Variants in GPR179 observed in about 807,000 individuals in gnomAD.
GPR179 encodes the protein probable G protein-coupled receptor 179.
Under a neutral mutation model 70.8 loss-of-function variants are expected in GPR179, and 52 were observed. The observed-to-expected ratio is 0.73, with a 90% CI of 0.59 to 0.93. The LOEUF (loss-of-function observed/expected upper bound fraction) is 0.93. Among genes scored for constraint, GPR179 ranks in the 40% least tolerant of loss-of-function variants. GPR179 has a pLI of 0.00. For missense variants in GPR179, 2,734 were observed against 2,966.8 expected (o/e 0.92, Z 1.82); for synonymous variants, 1,123 against 1,169.0 (o/e 0.96, Z 0.80).
chr17:38,334,666 G>C lies in GPR179; in HGVS notation c.1784+38C>G. 6.2e-7 allele frequency: 1 copy of C among 1,607,598 alleles called. No homozygotes were observed. The highest frequency in any genetic ancestry group is 8.5e-7 in the Non-Finnish European group (1 of 1,175,398). On this transcript the variant is annotated intron_variant, in intron 8 of 10. Coordinates refer to ENST00000616987, the MANE Select transcript of GPR179 (RefSeq NM_001004334.4). This position sits in a 1 kb window ranked among gnomAD's most constrained non-coding sequence, Gnocchi z 4.7. ...CTGGGAGAGGTGAGGAGTACTGTTA[G>C]AGTGGAAGGGGGTGTGGGGAGGTGA...
Position 38,343,765 on chromosome 17 carries a change from G to A in GPR179, c.25C>T (p.Pro9Ser), listed in dbSNP as rs199562618. ...CCCAGCAGCCCCCACATAGGAGGGG[G>A]CATGACCGCTCCCCTGGTGCCCATC... is the stretch of plus-strand genomic sequence containing the variant. MGTRGAVM[P>S]PPMWGLLGCC... The change falls in exon 1 of 11, where the codon CCC (proline) becomes TCC (serine). Residue 9 changes from proline to serine, a missense_variant. Coordinates refer to ENST00000616987, the MANE Select transcript of GPR179 (RefSeq NM_001004334.4). The surrounding 1 kb of genome is among the most constrained non-coding windows in gnomAD (Gnocchi z 4.2). 1.3e-6 allele frequency: 2 copies of A among 1,525,716 alleles called. No individual in the cohort carries two copies. The highest frequency in any genetic ancestry group is 2.3e-5 in the East Asian group (1 of 43,976). The allele number at this position is 1,525,716 out of a possible 1,614,324, so 94.5% of individuals were successfully genotyped here. A position where few individuals can be genotyped will look rare whatever the true frequency, so the allele number is the denominator to read the frequency against.
rs371169614 is a variant in GPR179, at chr17:38,330,143, G to T, written c.3426C>A (p.Ala1142=). The change falls in exon 11 of 11, where the codon GCC becomes GCA. Residue 1142 remains alanine, a synonymous_variant. Coordinates refer to ENST00000616987, the MANE Select transcript of GPR179 (RefSeq NM_001004334.4). ...LGRPKAVSKQ[A]ALIPSDDKES... ...CCTTGTCATCGGAGGGGATAAGAGCGGCCTGCTTACTCACCGCCTTGGGCC... is the reference window on the plus strand; with the variant it reads ...CCTTGTCATCGGAGGGGATAAGAGCTGCCTGCTTACTCACCGCCTTGGGCC... 2.5e-6 allele frequency: 4 copies of T among 1,595,270 alleles called. No individual in the cohort carries two copies. Among genetic ancestry groups the T allele is most frequent in the Non-Finnish European group, 3.4e-6 (4 of 1,169,792 alleles).
chr17:38,343,495 C>T lies in GPR179; in HGVS notation c.295G>A (p.Ala99Thr), dbSNP rs779899572. The change falls in exon 1 of 11, where the codon GCG becomes ACG. Residue 99 changes from alanine to threonine, a missense_variant. By Grantham distance (58) the Ala-to-Thr change is moderately conservative. Coordinates refer to ENST00000616987, the MANE Select transcript of GPR179 (RefSeq NM_001004334.4). The surrounding 1 kb of genome is among the most constrained non-coding windows in gnomAD (Gnocchi z 4.2). ...PGLPPSLQGA[A>T]GTLAQAANFL... ...TTGGCGGCCTGGGCAAGGGTGCCCG[C>T]TGCCCCCTGTAGGCTTGGGGGGAGC... 2 of 1,613,888 alleles carry T rather than the reference C, an allele frequency of 1.2e-6. No individual in the cohort carries two copies. The highest frequency in any genetic ancestry group is 2.2e-5 in the South Asian group (2 of 91,092).
rs771910800 is a variant in GPR179, at chr17:38,329,835, G to A, written c.3734C>T (p.Pro1245Leu). The A allele has an allele frequency of 1.2e-6, 2 of 1,614,142 alleles. No individual in the cohort carries two copies. Among genetic ancestry groups the A allele is most frequent in the East Asian group, 2.2e-5 (1 of 44,880 alleles). ...CGTTTCTGATTCAGTGACCTCCCAGGGGCATACCTCTGCCACCCTGTGGTC... is the reference window on the plus strand; with the variant it reads ...CGTTTCTGATTCAGTGACCTCCCAGAGGCATACCTCTGCCACCCTGTGGTC... Reference protein sequence around the residue: ...SADHRVAEVCPWEVTESETRQ... With the variant: ...SADHRVAEVCLWEVTESETRQ... The change falls in exon 11 of 11, where the codon CCC (proline) becomes CTC (leucine). Residue 1245 changes from proline to leucine, a missense_variant. By Grantham distance (98) the Pro-to-Leu change is moderately conservative. Transcript: ENST00000616987.
chr17:38,333,494 C>T (rs781209398), intron 9 of GPR179, 97 bp from the exon 10 acceptor site: 37 of 1,223,342 alleles, frequency 3.0e-5, no homozygotes, highest in Admixed American at 5.1e-5. Context: ...TACTTTGTGA[C>T]GCTTCACCCC....
chr17:38,326,253 G>A lies in GPR179; in HGVS notation c.*212C>T, dbSNP rs1469581517. ...TTTGTTTCCTCAAACAGGAAGAAAA[G>A]TTAGAAGTAAAGAGAGGGTGGGCCT... is the stretch of plus-strand genomic sequence containing the variant. On this transcript the variant is annotated 3_prime_UTR_variant, in exon 11 of 11. Transcript: ENST00000616987. 2.0e-6 allele frequency: 1 copy of A among 508,550 alleles called. No individual in the cohort carries two copies. The highest frequency in any genetic ancestry group is 3.4e-6 in the Non-Finnish European group (1 of 290,358). 31.5% of individuals were successfully genotyped at this position (508,550 alleles called of 1,614,324 possible).
intron 1 of GPR179, among the ~76,000 whole-genome samples, chr17:38,340,942 C>G (rs879667768): frequency 6.6e-6 from 1 of 152,092 alleles, no homozygotes; most frequent in Non-Finnish European, 1.5e-5. Context: ...AACAAACAAA[C>G]AAACAAAAAA....
chr17:38,342,671 C>T (rs2037459108), intron 1 of GPR179, among the ~76,000 whole-genome samples: 1 of 152,214 alleles, frequency 6.6e-6, no homozygotes, highest in South Asian at 2.1e-4. Flanking sequence ...ATGTGTATAC[C>T]TGCATATAGA....
Position 38,327,622 on chromosome 17 carries a change from T to C in GPR179, c.5947A>G (p.Ser1983Gly). The C allele has an allele frequency of 6.2e-7, 1 of 1,614,226 alleles. No individual in the cohort carries two copies. The highest frequency in any genetic ancestry group is 8.5e-7 in the Non-Finnish European group (1 of 1,180,042). Residue 1983 changes from serine to glycine, a missense_variant, in exon 11 of 11, where the codon AGC becomes GGC. Transcript: ENST00000616987. Reference protein sequence around the residue: ...DRQRPDQPKASSQRLVSTGGR... With the variant: ...DRQRPDQPKAGSQRLVSTGGR... ...CCAGTGCTGACCAGTCTCTGGGAGC[T>C]AGCTTTAGGTTGGTCAGGGCGCTGT...
In GPR179 at chr17:38,331,313, G is replaced by A. The variant is rs1399411551; in HGVS notation, c.2256C>T (p.Arg752=). 2 of 1,604,862 alleles carry A rather than the reference G, an allele frequency of 1.2e-6. No homozygotes were observed. The highest frequency in any genetic ancestry group is 1.7e-6 in the Non-Finnish European group (2 of 1,176,478). ...GHGSLPGSSR[R]RLLSSSLQEP... ...CCTGGAGGCTGGAGCTGAGGAGCCG[G>A]CGGCGGGAGGAGCCGGGCAGGCTGC... Residue 752 remains arginine (R), a synonymous_variant, in exon 11 of 11, where the codon CGC becomes CGT. Coordinates refer to ENST00000616987, the MANE Select transcript of GPR179 (RefSeq NM_001004334.4).
Position 38,337,163 on chromosome 17 carries a change from C to T in GPR179, c.1042G>A (p.Gly348Ser), listed in dbSNP as rs2037412633. The T allele has an allele frequency of 6.2e-7, 1 of 1,612,864 alleles. No homozygotes were observed. Among genetic ancestry groups the T allele is most frequent in the African/African-American group, 1.3e-5 (1 of 74,928 alleles). Residue 348 changes from glycine (G) to serine (S), a missense_variant, in exon 4 of 11, where the codon GGC becomes AGC. Gly to Ser is a moderately conservative substitution (Grantham distance 56). Transcript: ENST00000616987. ...QTTGQFGFPEGRSGRLLQCLP... is the reference protein window; with the variant it reads ...QTTGQFGFPESRSGRLLQCLP... ...CACTGCAGCAGTCTCCCAGATCTGC[C>T]TTCTGGGAACCCGAATTGCCCGGTA...
In GPR179 at chr17:38,328,409, T is replaced by C. The variant is rs2037312966; in HGVS notation, c.5160A>G (p.Gly1720=). 3 of 1,613,852 alleles carry C rather than the reference T, an allele frequency of 1.9e-6. No individual in the cohort carries two copies. Among genetic ancestry groups the C allele is most frequent in the Non-Finnish European group, 2.5e-6 (3 of 1,179,964 alleles). Residue 1720 remains glycine (G), a synonymous_variant, in exon 11 of 11, where the codon GGA becomes GGG. Coordinates refer to ENST00000616987, the MANE Select transcript of GPR179 (RefSeq NM_001004334.4). ...TTGGAGATTTCCTAATGGCCTCAGC[T>C]CCCAAAGCCCTTTCCTCCCCTGCTC... The part of the protein sequence containing the change: ...GAGAGEERAL[G]AEAIRKSPND...
Position 38,337,696 on chromosome 17 carries a change from A to C in GPR179, c.928T>G (p.Phe310Val). The change falls in exon 3 of 11, where the codon TTT (phenylalanine) becomes GTT (valine). Residue 310 changes from phenylalanine to valine, a missense_variant. Phe to Val is a conservative substitution (Grantham distance 50). Transcript: ENST00000616987. ...TQCVPLESQG[F>V]VLGRYLCRCR... ...CGGCAGAGGTAGCGGCCAAGAACAA[A>C]GCCCTGACTCTCCAGGGGGACACAC... 6.2e-7 allele frequency: 1 copy of C among 1,613,830 alleles called. No individual in the cohort carries two copies. The highest frequency in any genetic ancestry group is 8.5e-7 in the Non-Finnish European group (1 of 1,179,888).
In GPR179 at chr17:38,331,273, G is replaced by A; in HGVS notation, c.2296C>T (p.Pro766Ser). The A allele has an allele frequency of 1.9e-6, 3 of 1,593,278 alleles. No homozygotes were observed. Among genetic ancestry groups the A allele is most frequent in the African/African-American group, 1.3e-5 (1 of 74,752 alleles). ...GTGCTGCGGGACTTGTGCAGAGCTG[G>A]TGTCCCCTCGGGTTCCTGGAGGCTG... ...SSSLQEPEGT[P>S]ALHKSRSTYD... The change falls in exon 11 of 11, where the codon CCA (proline) becomes TCA (serine). Residue 766 changes from proline (P) to serine (S), a missense_variant. Physicochemically the swap from Pro to Ser is moderately conservative, Grantham distance 74 (BLOSUM62 -1). Transcript: ENST00000616987.
In GPR179 at chr17:38,336,256, A is replaced by G. The variant is rs2037403921; in HGVS notation, c.1228-112T>C. The G allele has an allele frequency of 3.9e-6, 3 of 775,070 alleles. No homozygotes were observed. The South Asian group carries it at 4.3e-5, about 11-fold the overall frequency. 48.0% of individuals were successfully genotyped at this position (775,070 alleles called of 1,614,324 possible). A position where few individuals can be genotyped will look rare whatever the true frequency, so the allele number is the denominator to read the frequency against. On this transcript the variant is annotated intron_variant, in intron 4 of 10. Transcript: ENST00000616987. ...CCCTGAGCTAAGGCTTCACCCTGTA[A>G]CACTGGCTCTGCCCTCTCTGCCCAC...
In GPR179 at chr17:38,326,802, A is replaced by T. The variant is rs1597660809; in HGVS notation, c.6767T>A (p.Leu2256His). The T allele has an allele frequency of 6.2e-7, 1 of 1,614,098 alleles. No homozygotes were observed. Among genetic ancestry groups the T allele is most frequent in the Admixed American group, 1.7e-5 (1 of 60,018 alleles). The change falls in exon 11 of 11, where the codon CTC becomes CAC. Residue 2256 changes from leucine to histidine, a missense_variant. Coordinates refer to ENST00000616987, the MANE Select transcript of GPR179 (RefSeq NM_001004334.4). ...TCTCCGAGTTGCTGTTAAAGCCAGG[A>T]GGCCAGATTCCTCAGATGGGACTCC... ...ETGVPSEESG[L>H]LALTATRREF...
chr17:38,336,045 A>T (rs1475584768), intron 5 of GPR179, 31 bp downstream of exon 5: 1 of 1,544,334 alleles, frequency 6.5e-7, no homozygotes, highest in Non-Finnish European at 9.0e-7. Context: ...GGATGCTGGA[A>T]GGTGGGGCCA....
chr17:38,338,769 C>T (rs887302095), intron 2 of GPR179, among the ~76,000 whole-genome samples: 2 of 152,194 alleles, frequency 1.3e-5, no homozygotes, highest in African/African-American at 2.4e-5. Flanking sequence ...AACCATGGAG[C>T]GGGTGAATTC....
In GPR179 at chr17:38,335,648, C is replaced by T; in HGVS notation, c.1349G>A (p.Trp450Ter). The change falls in exon 6 of 11, where the codon TGG (tryptophan) becomes TAG (stop). Residue 450 changes from tryptophan (W) to a stop codon, truncating the protein, a stop_gained. Coordinates refer to ENST00000616987, the MANE Select transcript of GPR179 (RefSeq NM_001004334.4). LOFTEE classifies it high-confidence loss of function. ...PSVFRCIALR[W>*]VRLLGFAIVY... ...GATGGCAAAACCCAGCAGCCGCACC[C>T]AGCGAAGAGCGATGCAGCGGAATAC... The T allele has an allele frequency of 1.2e-6, 2 of 1,614,172 alleles. No homozygotes were observed. Among genetic ancestry groups the T allele is most frequent in the Non-Finnish European group, 8.5e-7 (1 of 1,180,018 alleles).
Sources: gnomAD v4.1 joint callset for allele counts (sites outside exome capture counted in the v4.1 genomes callset) on GRCh38, gnomAD v4.1.1 for gene constraint, Gnocchi (gnomAD v3.1) non-coding constraint, MANE v1.5 for transcripts, NCBI Gene and HGNC (gene_info 2026-07-23, HGNC 2026-07-21) for gene names.